The following SENP6 variants were observed in gnomAD, a reference collection of about 807,000 sequenced individuals.
SENP6 encodes SUMO specific peptidase 6, also known as sentrin-specific protease 6.
Under a neutral mutation model 134.5 loss-of-function variants are expected in SENP6, and 41 were observed. That is an observed-to-expected ratio of 0.30 (90% confidence interval 0.24 to 0.40). SENP6 has a LOEUF of 0.40. SENP6 is among the 10% of genes least tolerant of loss of function. The probability of loss-of-function intolerance (pLI) is 1.00; values close to 1 mark genes in which losing one functional copy is unlikely to be tolerated. For missense variants in SENP6, 1,248 were observed against 1,312.5 expected, an observed-to-expected ratio of 0.95 and a Z score of 0.76; for synonymous variants, 395 against 429.8, an observed-to-expected ratio of 0.92 and a Z score of 1.00.
At chr6:75,706,917 A>G (rs1248952237) in intron 19 of SENP6, among the ~76,000 whole-genome samples, 13 of 152,204 alleles carry the variant, frequency 8.5e-5, no homozygotes, top group Non-Finnish European at 1.9e-4. Context: ...TTGACTTGCC[A>G]TGGTGCATGA....
At chr6:75,701,679 G>A (rs1348202723) in intron 18 of SENP6, among the ~76,000 whole-genome samples, 5 of 115,782 alleles carry the variant, frequency 4.3e-5, no homozygotes, top group East Asian at 2.6e-4. Flanking sequence ...TCGCTCTGTC[G>A]CCCAGGGTGG....
At chr6:75,624,719 ATAT>A (rs1414257255) in intron 3 of SENP6, among the ~76,000 whole-genome samples, 1 of 152,268 alleles carries the variant, frequency 6.6e-6, no homozygotes, top group East Asian at 1.9e-4. Context: ...GGTCTTTAGA[ATAT>A]TATTCATAGG....
intron 9 of SENP6, among the ~76,000 whole-genome samples, chr6:75,665,261 G>A (rs906250560): frequency 4.0e-5 from 6 of 151,778 alleles, no homozygotes; most frequent in Non-Finnish European, 7.4e-5. Flanking sequence ...GCTCCAGCCT[G>A]GGTGACAGAG....
intron 23 of SENP6, among the ~76,000 whole-genome samples, chr6:75,714,124 T>C (rs1212576769): frequency 6.6e-6 from 1 of 152,204 alleles, no homozygotes; most frequent in East Asian, 1.9e-4. Context: ...ACTGCCTCTT[T>C]TAGCCTCTTT....
chr6:75,641,588 G>T (rs1296321764), intron 6 of SENP6, among the ~76,000 whole-genome samples: 1 of 152,062 alleles, frequency 6.6e-6, no homozygotes, highest in East Asian at 1.9e-4. Context: ...ATATTTGAAT[G>T]GTATAAATGG....
At chr6:75,612,626 C>A (rs183033465) in intron 1 of SENP6, among the ~76,000 whole-genome samples, 4 of 152,096 alleles carry the variant, frequency 2.6e-5, no homozygotes, top group Non-Finnish European at 5.9e-5. Flanking sequence ...TGTCTGATAA[C>A]CCCATGAGAC....
At position 75,659,784 on chromosome 6, in the gene SENP6, C is replaced by T. The variant is rs143183180; in HGVS notation, c.696+377C>T. Among the ~76,000 whole-genome samples, 310 of 152,076 alleles carry T rather than the reference C, an allele frequency of 2.0e-3. 1 individual carries two copies. The highest frequency in any genetic ancestry group is 7.2e-3 in the African/African-American group (298 of 41,498). On this transcript the variant is annotated intron_variant, in intron 8 of 23. Transcript: ENST00000447266. ...TGTCCTCACTCTCTATGCCTTTTTC[C>T]CTCCTTCCTCCTGCCTACCCATAAA... is the stretch of plus-strand genomic sequence containing the variant.
In SENP6 at chr6:75,705,924, C is replaced by CTTTTTTTTT. The variant is rs1562073188; in HGVS notation, c.2716+2852_2716+2853insTTTTTTTTT. Among the ~76,000 whole-genome samples the CTTTTTTTTT allele has an allele frequency of 4.8e-3, 424 of 89,260 alleles. 120 individuals are homozygous for CTTTTTTTTT. Among genetic ancestry groups the CTTTTTTTTT allele is most frequent in the Middle Eastern group, 0.014 (2 of 140 alleles). The allele number at this position is 89,260 out of a possible 152,430, so 58.6% of individuals were successfully genotyped here. The stretch of plus-strand genomic sequence containing the variant: ...AGTGAGTTAGAAAGCTATTTTTGAG[C>CTTTTTTTTT]CTTTTTTTTTTTTTTTTTTTTTTTT... On this transcript the variant is annotated intron_variant, in intron 19 of 23. Transcript: ENST00000447266.
chr6:75,618,744 A>G (rs896561237), intron 1 of SENP6, among the ~76,000 whole-genome samples: 1 of 152,168 alleles, frequency 6.6e-6, no homozygotes, highest in Non-Finnish European at 1.5e-5. Context: ...CTAACCTAGC[A>G]CCATAGGGTT....
At chr6:75,652,470 A>C (rs1205595713) in intron 7 of SENP6, among the ~76,000 whole-genome samples, 1 of 151,962 alleles carries the variant, frequency 6.6e-6, no homozygotes, top group East Asian at 1.9e-4. Flanking sequence ...ATTTCTTTGC[A>C]TCAGATCCCT....
In SENP6 at chr6:75,663,496, T is replaced by G; in HGVS notation, c.972T>G (p.Ser324Arg). Residue 324 changes from serine (S) to arginine (R), a missense_variant, in exon 9 of 24, where the codon AGT becomes AGG. Physicochemically the swap from Ser to Arg is moderately radical, Grantham distance 110. Around this residue, in one of 3 missense-constraint regions of SENP6, gnomAD observed 733 missense variants for 725.4 expected, o/e 1.01. Transcript: ENST00000447266. The stretch of plus-strand genomic sequence containing the variant: ...CAAACTTGAAAGAAAGGAAAACAAG[T>G]TTGTCAGACCTAAATGATCCAAGTA... ...KITNLKERKT[S>R]LSDLNDPIIL... The G allele has an allele frequency of 6.2e-7, 1 of 1,610,920 alleles. No individual in the cohort carries two copies. Among genetic ancestry groups the G allele is most frequent in the Non-Finnish European group, 8.5e-7 (1 of 1,179,542 alleles).
rs1769293255 is a variant in SENP6, at chr6:75,633,790, TAGA to T, written c.353+67_353+69del. ...AAGGAAGAGTTTGACACCAAAAACT[TAGA>T]AGCTAATAGGCCCAACCTGTACCTT... On this transcript the variant is annotated intron_variant, in intron 4 of 23. Transcript: ENST00000447266. The T allele has an allele frequency of 1.8e-5, 25 of 1,413,780 alleles. No homozygotes were observed. In the South Asian group the frequency reaches 3.5e-4, roughly 20 times the overall value. The allele number at this position is 1,413,780 out of a possible 1,614,324, so 87.6% of individuals were successfully genotyped here.
intron 9 of SENP6, among the ~76,000 whole-genome samples, chr6:75,664,271 A>C (rs946250121): frequency 8.6e-5 from 13 of 151,930 alleles, no homozygotes; most frequent in Non-Finnish European, 1.6e-4. Context: ...AAAAAAAAAA[A>C]ACAATAATAA....
chr6:75,622,266 C>G (rs998686227), intron 2 of SENP6, among the ~76,000 whole-genome samples: 1 of 152,110 alleles, frequency 6.6e-6, no homozygotes, highest in Non-Finnish European at 1.5e-5. Context: ...AGTTCAACAT[C>G]TAGTTTTTTG....
At chr6:75,682,438 G>C (rs1274917502) in intron 16 of SENP6, among the ~76,000 whole-genome samples, 1 of 151,146 alleles carries the variant, frequency 6.6e-6, no homozygotes, top group Non-Finnish European at 1.5e-5. Context: ...TAAGATCTAT[G>C]GTACATGTGC....
intron 20 of SENP6, among the ~76,000 whole-genome samples, chr6:75,710,303 C>T (rs1157382135): frequency 6.6e-6 from 1 of 152,086 alleles, no homozygotes; most frequent in African/African-American, 2.4e-5. Context: ...TTTGCCCTAA[C>T]AAACAGTATG....
chr6:75,631,492 G>A (rs1769110550), intron 3 of SENP6, among the ~76,000 whole-genome samples: 1 of 152,114 alleles, frequency 6.6e-6, no homozygotes, highest in African/African-American at 2.4e-5. Flanking sequence ...TCACATTAAG[G>A]CTCTACCCTG....
At chr6:75,705,597 T>C (rs1203161541) in intron 19 of SENP6, among the ~76,000 whole-genome samples, 2 of 152,016 alleles carry the variant, frequency 1.3e-5, no homozygotes, top group Non-Finnish European at 2.9e-5. Flanking sequence ...CTGTTCAAAT[T>C]CTTAAATTTG....
intron 7 of SENP6, among the ~76,000 whole-genome samples, chr6:75,648,134 A>G (rs1339409824): frequency 6.6e-6 from 1 of 152,136 alleles, no homozygotes; most frequent in Non-Finnish European, 1.5e-5. Flanking sequence ...TTGTGTTTCC[A>G]CTTACTGGTT....
Sources: gnomAD v4.1 joint callset for allele counts (sites outside exome capture counted in the v4.1 genomes callset) on GRCh38, gnomAD v4.1.1 for gene constraint, gnomAD v4.1.1 regional missense constraint, MANE v1.5 for transcripts, NCBI Gene and HGNC (gene_info 2026-07-23, HGNC 2026-07-21) for gene names.